HR: variants seen among roughly 807,000 people sequenced by gnomAD.
The protein encoded by HR is lysine-specific demethylase hairless.
Under a neutral mutation model 128.6 loss-of-function variants are expected in HR, and 83 were observed. The observed-to-expected ratio is 0.65, with a 90% CI of 0.54 to 0.77. The LOEUF is 0.77. Among genes scored for constraint, HR ranks in the 30% least tolerant of loss-of-function variants. The pLI is 0.00. For missense variants in HR, 1,490 were observed against 1,574.6 expected (o/e 0.95, Z 0.91); for synonymous variants, 681 against 658.2 (o/e 1.03, Z -0.53).
At chr8:22,128,414 TG>T in intron 2 of HR, 144 bp downstream of exon 2, 2 of 1,169,972 alleles carry the variant, frequency 1.7e-6, no homozygotes, top group Non-Finnish European at 2.5e-6. Flanking sequence ...GGGTTGACTG[TG>T]GGGCCTGGGA....
At position 22,128,539 on chromosome 8, in the gene HR, C is replaced by G. The variant is rs764388780; in HGVS notation, c.612+20G>C. 4 of 1,611,472 alleles carry G rather than the reference C, an allele frequency of 2.5e-6. No individual in the cohort carries two copies. The highest frequency in any genetic ancestry group is 3.4e-6 in the Non-Finnish European group (4 of 1,179,504). Reference sequence around the variant, plus strand: ...TTGCTAGGCCAGAGCCACAGGTACCCTCTCTGCCCCTGCACTCACCTTGCT... The same window carrying G: ...TTGCTAGGCCAGAGCCACAGGTACCGTCTCTGCCCCTGCACTCACCTTGCT... On this transcript the variant is annotated intron_variant, in intron 2 of 18. Coordinates refer to ENST00000381418, the MANE Select transcript of HR (RefSeq NM_005144.5).
Position 22,115,616 on chromosome 8 carries a change from A to C in HR, c.*84T>G, listed in dbSNP as rs1586366669. 1.7e-6 allele frequency: 2 copies of C among 1,204,006 alleles called. No homozygotes were observed. Among genetic ancestry groups the C allele is most frequent in the East Asian group, 2.4e-5 (1 of 42,458 alleles). 74.6% of individuals were successfully genotyped at this position (1,204,006 alleles called of 1,614,324 possible). On this transcript the variant is annotated 3_prime_UTR_variant, in exon 19 of 19. Coordinates refer to ENST00000381418, the MANE Select transcript of HR (RefSeq NM_005144.5). Reference sequence around the variant, plus strand: ...TTGACCAGAAATCCCCAAGTCCCCTAGCGCCATCCCCTGCTGAAGTTGTGC... The same window carrying C: ...TTGACCAGAAATCCCCAAGTCCCCTCGCGCCATCCCCTGCTGAAGTTGTGC...
chr8:22,119,406 T>A, intron 14 of HR, 123 bp from the exon 15 acceptor site: 1 of 1,383,986 alleles, frequency 7.2e-7, no homozygotes, highest in Non-Finnish European at 1.0e-6. Flanking sequence ...GTCAGGAGTT[T>A]GAGACCAGCC....
chr8:22,120,678 G>A, intron 11 of HR, 38 bp downstream of exon 11: 6 of 1,515,256 alleles, frequency 4.0e-6, no homozygotes, highest in Non-Finnish European at 5.3e-6. Context: ...GGCAGGTGGG[G>A]TGGCCAGGGC....
In HR at chr8:22,119,191, G is replaced by A. The variant is rs1215479785; in HGVS notation, c.3070C>T (p.Leu1024=). ...VSILVHADTP[L]PAWHRAQKDF... The stretch of plus-strand genomic sequence containing the variant: ...TTCTGTGCCCGGTGCCAGGCAGGCA[G>A]TGGTGTGTCGGCATGCACCAGGATG... The change falls in exon 15 of 19, where the codon CTG becomes TTG. Residue 1024 remains leucine, a synonymous_variant. Transcript: ENST00000381418. 4 of 1,613,806 alleles carry A rather than the reference G, an allele frequency of 2.5e-6. No individual in the cohort carries two copies. Among genetic ancestry groups the A allele is most frequent in the Non-Finnish European group, 3.4e-6 (4 of 1,180,046 alleles).
chr8:22,128,701 A>T lies in HR; in HGVS notation c.470T>A (p.Phe157Tyr). 1 of 1,583,492 alleles carries T rather than the reference A, an allele frequency of 6.3e-7. No homozygotes were observed. Among genetic ancestry groups the T allele is most frequent in the Non-Finnish European group, 8.6e-7 (1 of 1,165,036 alleles). Reference protein sequence around the residue: ...LETKILERAPFWVPTCLPPYL... With the variant: ...LETKILERAPYWVPTCLPPYL... ...GGGTGGCAAGCAGGTGGGCACCCAG[A>T]AGGGAGCTCGCTCCAGGATCTTGGT... Residue 157 changes from phenylalanine to tyrosine, a missense_variant, in exon 2 of 19, where the codon TTC (phenylalanine) becomes TAC (tyrosine). By Grantham distance (22) the Phe-to-Tyr change is conservative. Transcript: ENST00000381418.
intron 2 of HR, chr8:22,128,181 A>T (rs1826950598): frequency 2.0e-6 from 1 of 510,078 alleles, no homozygotes; most frequent in Non-Finnish European, 3.6e-6. Flanking sequence ...TCATCTATGG[A>T]GGAGGTACCC....
At chr8:22,128,047 T>C (rs1473746849) in intron 2 of HR, 1 of 632,316 alleles carries the variant, frequency 1.6e-6, no homozygotes, top group Admixed American at 2.4e-5. Flanking sequence ...CACAAGGAAG[T>C]CTAAGAACTA....
intron 8 of HR, among the ~76,000 whole-genome samples, chr8:22,122,276 C>G (rs992838895): frequency 1.3e-5 from 2 of 152,084 alleles, no homozygotes; most frequent in Non-Finnish European, 2.9e-5. Flanking sequence ...GGTGGATATG[C>G]TCCAGGAAGG....
At position 22,127,746 on chromosome 8, in the gene HR, G is replaced by A. The variant is rs2131767264; in HGVS notation, c.696C>T (p.Asn232=). 1 of 1,603,662 alleles carries A rather than the reference G, an allele frequency of 6.2e-7. No homozygotes were observed. The highest frequency in any genetic ancestry group is 1.3e-5 in the African/African-American group (1 of 75,038). Residue 232 remains asparagine (N), a synonymous_variant, in exon 3 of 19, where the codon AAC becomes AAT. Coordinates refer to ENST00000381418, the MANE Select transcript of HR (RefSeq NM_005144.5). ...AAAEPGLFGL[N]SGGHLQRAGE... ...CGGCTCTCTGCAGGTGCCCACCAGA[G>A]TTTAAGCCAAACAACCCAGGTTCCG...
chr8:22,122,588 C>T lies in HR; in HGVS notation c.2026G>A (p.Ala676Thr). 1 of 1,610,856 alleles carries T rather than the reference C, an allele frequency of 6.2e-7. No individual in the cohort carries two copies. ...SSQALAELST[A>T]MHQVWVKFDI... ...AACTTGACCCAGACCTGGTGCATTG[C>T]AGTGCTCAGCTCTGCCAAAGCTGGG... is the stretch of plus-strand genomic sequence containing the variant. Residue 676 changes from alanine (A) to threonine (T), a missense_variant, in exon 8 of 19, where the codon GCA becomes ACA. By Grantham distance (58) the Ala-to-Thr change is moderately conservative. Around this residue, in one of 3 missense-constraint regions of HR, gnomAD observed 1,060 missense variants for 1,060.9 expected, o/e 1.00. Transcript: ENST00000381418.
chr8:22,123,616 A>AAG, intron 6 of HR, 33 bp downstream of exon 6: 11 of 562,346 alleles, frequency 2.0e-5, no homozygotes, highest in South Asian at 1.1e-4. Flanking sequence ...TGAGGGCTCC[A>AAG]TCCCGCCCTC....
At chr8:22,123,617 T>TTGGGGCGCC in intron 6 of HR, 32 bp downstream of exon 6, 1 of 292,092 alleles carries the variant, frequency 3.4e-6, no homozygotes, top group Non-Finnish European at 6.2e-6. Flanking sequence ...GAGGGCTCCA[T>TTGGGGCGCC]CCCGCCCTCC....
chr8:22,130,797 C>T lies in HR; in HGVS notation c.-410G>A, dbSNP rs1391238881. 1 of 151,924 alleles carries T rather than the reference C, an allele frequency of 6.6e-6. No individual in the cohort carries two copies. The highest frequency in any genetic ancestry group is 1.5e-5 in the Non-Finnish European group (1 of 67,970). 9.4% of individuals were successfully genotyped at this position (151,924 alleles called of 1,614,324 possible). A position where few individuals can be genotyped will look rare whatever the true frequency, so the allele number is the denominator to read the frequency against. Reference sequence around the variant, plus strand: ...CCCGGAGGGAGAGAAGGCGCCGGGCCGGGGGGAACACGCGCCCCGGGTCGG... The same window carrying T: ...CCCGGAGGGAGAGAAGGCGCCGGGCTGGGGGGAACACGCGCCCCGGGTCGG... On this transcript the variant is annotated 5_prime_UTR_variant, in exon 1 of 19. Coordinates refer to ENST00000381418, the MANE Select transcript of HR (RefSeq NM_005144.5).
intron 2 of HR, chr8:22,128,051 A>G: frequency 1.6e-6 from 1 of 623,944 alleles, no homozygotes; most frequent in Non-Finnish European, 2.9e-6. Flanking sequence ...AGGAAGTCTA[A>G]GAACTAAAGA....
intron 9 of HR, 39 bp downstream of exon 9, chr8:22,121,574 C>G (rs1156282083): frequency 6.2e-7 from 1 of 1,605,790 alleles, no homozygotes; most frequent in East Asian, 2.2e-5. Context: ...GGCCCAGCCT[C>G]CCTCTTGCAC....
intron 6 of HR, 33 bp downstream of exon 6, chr8:22,123,616 A>AGGGGGGGGGGCCCC: frequency 1.8e-6 from 1 of 562,348 alleles, no homozygotes; most frequent in Non-Finnish European, 3.0e-6. Context: ...TGAGGGCTCC[A>AGGGGGGGGGGCCCC]TCCCGCCCTC....
chr8:22,122,471 G>A (rs761786308), intron 8 of HR, 22 bp downstream of exon 8: 109 of 1,559,330 alleles, frequency 7.0e-5, no homozygotes, highest in African/African-American at 9.5e-5. Flanking sequence ...ATACCCAACC[G>A]GTGACATGCC....
At chr8:22,127,977 G>A in intron 2 of HR, 148 bp from the exon 3 acceptor site, 5 of 831,042 alleles carry the variant, frequency 6.0e-6, no homozygotes, top group East Asian at 2.6e-5. Flanking sequence ...GGTCTCTGGA[G>A]TGCCTCTGAC....
Sources: gnomAD v4.1 joint callset for allele counts (sites outside exome capture counted in the v4.1 genomes callset) on GRCh38, gnomAD v4.1.1 for gene constraint, gnomAD v4.1.1 regional missense constraint, MANE v1.5 for transcripts, NCBI Gene and HGNC (gene_info 2026-07-23, HGNC 2026-07-21) for gene names.